Variants in ZDHHC14 observed in about 807,000 individuals in gnomAD.
ZDHHC14 encodes the protein zDHHC palmitoyltransferase 14.
A neutral mutation model predicts 47.7 loss-of-function variants in ZDHHC14; 16 were observed. That is an observed-to-expected ratio of 0.34 (90% CI 0.23 to 0.51). ZDHHC14 has a LOEUF of 0.51. ZDHHC14 is among the 20% of genes least tolerant of loss of function. ZDHHC14 has a pLI of 0.97. For synonymous variants in ZDHHC14, 293 were observed against 278.9 expected (o/e 1.05, Z -0.50); for missense variants, 515 against 662.5 (o/e 0.78, Z 2.44).
chr6:157,616,693 G>C (rs1032804979), intron 3 of ZDHHC14, among the ~76,000 whole-genome samples: 2 of 152,184 alleles, frequency 1.3e-5, no homozygotes, highest in Non-Finnish European at 2.9e-5. Flanking sequence ...AACCACACAC[G>C]AGGCAGGAGG....
intron 1 of ZDHHC14, among the ~76,000 whole-genome samples, chr6:157,408,787 T>TA (rs1271141189): frequency 6.6e-6 from 1 of 152,250 alleles, no homozygotes; most frequent in Non-Finnish European, 1.5e-5. Flanking sequence ...TGTATCTTTA[T>TA]AAAAAATGAT....
intron 2 of ZDHHC14, among the ~76,000 whole-genome samples, chr6:157,551,353 C>A (rs189039556): frequency 1.1e-3 from 174 of 152,298 alleles, no homozygotes; most frequent in African/African-American, 3.9e-3. Context: ...GGCTCAGAGA[C>A]AGGTGTAACT....
In ZDHHC14 at chr6:157,593,121, T is replaced by C; in HGVS notation, c.540T>C (p.His180=). 1 of 1,613,606 alleles carries C rather than the reference T, an allele frequency of 6.2e-7. No individual in the cohort carries two copies. The highest frequency in any genetic ancestry group is 1.1e-5 in the South Asian group (1 of 90,994). The change falls in exon 3 of 9, where the codon CAT becomes CAC. Residue 180 remains histidine, a synonymous_variant. Transcript: ENST00000359775. The part of the protein sequence containing the change: ...CKIFRPPRAS[H]CSLCDNCVER... ...TTTTCCGGCCCCCTCGCGCCTCCCATTGCAGCCTTTGTGATAACTGCGTAG... is the reference window on the plus strand; with the variant it reads ...TTTTCCGGCCCCCTCGCGCCTCCCACTGCAGCCTTTGTGATAACTGCGTAG...
intron 1 of ZDHHC14, among the ~76,000 whole-genome samples, chr6:157,470,358 G>C (rs923346897): frequency 6.6e-6 from 1 of 152,158 alleles, no homozygotes; most frequent in Non-Finnish European, 1.5e-5. Flanking sequence ...CAAAATGCTG[G>C]GATTATAGGC....
chr6:157,465,105 C>CTTTTTTTTTTTTTTTTTTTTTTTTCCT (rs772080368), intron 1 of ZDHHC14, among the ~76,000 whole-genome samples: 1 of 102,010 alleles, frequency 9.8e-6, no homozygotes, highest in Non-Finnish European at 1.9e-5. Flanking sequence ...TCTCTTTCTC[C>CTTTTTTTTTTTTTTTTTTTTTTTTCCT]TTTTTTTTTT....
intron 1 of ZDHHC14, among the ~76,000 whole-genome samples, chr6:157,485,782 G>A (rs1318899208): frequency 2.0e-5 from 3 of 151,842 alleles, no homozygotes; most frequent in East Asian, 1.9e-4. Context: ...AGGCCAAGGC[G>A]GGTGGATCAC....
chr6:157,387,578 A>G (rs1777341287), intron 1 of ZDHHC14, among the ~76,000 whole-genome samples: 1 of 152,248 alleles, frequency 6.6e-6, no homozygotes, highest in African/African-American at 2.4e-5. Context: ...ACCAGAGGAC[A>G]GTGCCTAGGA....
chr6:157,500,832 A>C (rs778399353), intron 1 of ZDHHC14, among the ~76,000 whole-genome samples: 21 of 152,246 alleles, frequency 1.4e-4, no homozygotes, highest in Non-Finnish European at 2.6e-4. Flanking sequence ...TTTTCTGTGA[A>C]GAATAGAACC....
chr6:157,449,380 T>G (rs1778751193), intron 1 of ZDHHC14, among the ~76,000 whole-genome samples: 1 of 152,178 alleles, frequency 6.6e-6, no homozygotes, highest in South Asian at 2.1e-4. Flanking sequence ...TTTTAAAAAA[T>G]CAGATTTATT....
intron 1 of ZDHHC14, among the ~76,000 whole-genome samples, chr6:157,492,133 G>A (rs1302343499): frequency 6.6e-6 from 1 of 151,606 alleles, no homozygotes; most frequent in African/African-American, 2.4e-5. Flanking sequence ...TCTCACCGGG[G>A]AGGAAACCCG....
chr6:157,393,812 T>G (rs770412963), intron 1 of ZDHHC14, among the ~76,000 whole-genome samples: 3 of 152,196 alleles, frequency 2.0e-5, no homozygotes, highest in Non-Finnish European at 4.4e-5. Flanking sequence ...TTGTATCTCT[T>G]CTTTCTTTCT....
At chr6:157,563,146 TC>T (rs1205558238) in intron 2 of ZDHHC14, among the ~76,000 whole-genome samples, 1 of 152,162 alleles carries the variant, frequency 6.6e-6, no homozygotes, top group Non-Finnish European at 1.5e-5. Context: ...GAGTCCTTGC[TC>T]CCACTACAAG....
intron 1 of ZDHHC14, among the ~76,000 whole-genome samples, chr6:157,428,405 A>G (rs185181527): frequency 3.3e-4 from 50 of 152,300 alleles, no homozygotes; most frequent in African/African-American, 1.2e-3. Context: ...CTGTGAAAAG[A>G]TAAGCTTTAA....
chr6:157,529,626 T>C (rs1190058098), intron 1 of ZDHHC14, among the ~76,000 whole-genome samples: 1 of 152,212 alleles, frequency 6.6e-6, no homozygotes, highest in East Asian at 1.9e-4. Flanking sequence ...GAGCTTGTCT[T>C]CTCCCCAGAC....
At chr6:157,528,080 C>T (rs1781221831) in intron 1 of ZDHHC14, among the ~76,000 whole-genome samples, 1 of 152,192 alleles carries the variant, frequency 6.6e-6, no homozygotes, top group Admixed American at 6.5e-5. Flanking sequence ...GTTTCAGTCC[C>T]TCTTGGTGTT....
chr6:157,655,300 A>G (rs941832250), intron 8 of ZDHHC14, among the ~76,000 whole-genome samples: 1 of 152,216 alleles, frequency 6.6e-6, no homozygotes, highest in African/African-American at 2.4e-5. Context: ...CAACAGTGGG[A>G]AAAGGGGACA....
intron 8 of ZDHHC14, among the ~76,000 whole-genome samples, chr6:157,660,497 A>G (rs1214071519): frequency 6.6e-6 from 1 of 152,072 alleles, no homozygotes; most frequent in Non-Finnish European, 1.5e-5. Flanking sequence ...CTGGCCCCGG[A>G]TGGTTTCTAT....
intron 1 of ZDHHC14, among the ~76,000 whole-genome samples, chr6:157,482,260 C>CTTTTTTTTTTT (rs1231434907): frequency 2.5e-4 from 32 of 127,508 alleles, no homozygotes; most frequent in East Asian, 9.2e-4. Context: ...CTTTTCTTTT[C>CTTTTTTTTTTT]TTTTTTTTTT....
chr6:157,633,484 G>A (rs188951048), intron 5 of ZDHHC14, among the ~76,000 whole-genome samples: 2 of 152,106 alleles, frequency 1.3e-5, no homozygotes, highest in African/African-American at 2.4e-5. Context: ...TGAAAGAAAA[G>A]CGTGTGCCCA....
Sources: gnomAD v4.1 joint callset for allele counts (sites outside exome capture counted in the v4.1 genomes callset) on GRCh38, gnomAD v4.1.1 for gene constraint, MANE v1.5 for transcripts, NCBI Gene and HGNC (gene_info 2026-07-23, HGNC 2026-07-21) for gene names.